The following FAM111A variants were observed in gnomAD, a reference collection of about 807,000 sequenced individuals.
FAM111A encodes serine protease FAM111A.
FAM111A carries 8 observed loss-of-function variants against 3.3 expected under a neutral mutation model. The ratio of observed to expected loss-of-function variants is 2.39; its 90% CI spans 1.40 to 4.32. FAM111A has a LOEUF of 4.32. Ranked by LOEUF, FAM111A falls within the 30% of genes most tolerant of loss-of-function variation. The probability of loss-of-function intolerance (pLI) is 0.00; values close to 1 mark genes in which losing one functional copy is unlikely to be tolerated. For synonymous variants in FAM111A, 227 were observed against 243.1 expected, an observed-to-expected ratio of 0.93 and a Z score of 0.62; for missense variants, 683 against 727.6, an observed-to-expected ratio of 0.94 and a Z score of 0.71.
chr11:59,152,300 T>C lies in FAM111A; in HGVS notation c.632T>C (p.Leu211Pro). Residue 211 changes from leucine (L) to proline (P), a missense_variant, in exon 6 of 6, where the codon CTC becomes CCC. Coordinates refer to ENST00000675163, the MANE Select transcript of FAM111A (RefSeq NM_001312909.2). Reference protein sequence around the residue: ...CGKLHKKGRKLCVYAFKGETI... With the variant: ...CGKLHKKGRKPCVYAFKGETI... ...AAGCTTCACAAAAAGGGGCGCAAAC[T>C]CTGTGTTTATGCTTTCAAAGGAGAA... is the stretch of plus-strand genomic sequence containing the variant. 1 of 1,614,206 alleles carries C rather than the reference T, an allele frequency of 6.2e-7. No individual in the cohort carries two copies. Among genetic ancestry groups the C allele is most frequent in the Non-Finnish European group, 8.5e-7 (1 of 1,180,036 alleles).
intron 5 of FAM111A, among the ~76,000 whole-genome samples, chr11:59,150,609 A>T (rs1315908290): frequency 6.6e-6 from 1 of 151,906 alleles, no homozygotes; most frequent in Non-Finnish European, 1.5e-5. Flanking sequence ...TCCTCTCCCC[A>T]CCTCCACCCC....
In FAM111A at chr11:59,153,869, A is replaced by G. The variant is rs983318908; in HGVS notation, c.*365A>G. 1 of 142,444 alleles carries G rather than the reference A, an allele frequency of 7.0e-6. No individual in the cohort carries two copies. The highest frequency in any genetic ancestry group is 1.5e-5 in the Non-Finnish European group (1 of 65,178). The allele number at this position is 142,444 out of a possible 1,614,324, so 8.8% of individuals were successfully genotyped here. ...GGCAAACGCCACCACACCCAGCTAA[A>G]TTTTTTTTTTTTTTTTTGTATTTTT... On this transcript the variant is annotated 3_prime_UTR_variant, in exon 6 of 6. Transcript: ENST00000675163.
chr11:59,153,466 C>T lies in FAM111A; in HGVS notation c.1798C>T (p.Gln600Ter). ...ATGGTATGAAGAAGTATTTGTAAATCAGCAGGATGTAGAAATGATGAGTGA... is the reference window on the plus strand; with the variant it reads ...ATGGTATGAAGAAGTATTTGTAAATTAGCAGGATGTAGAAATGATGAGTGA... ...KPWYEEVFVNQQDVEMMSDED... is the reference protein window; with the variant it reads ...KPWYEEVFVN Residue 600 changes from glutamine to a stop codon, truncating the protein, a stop_gained, in exon 6 of 6, where the codon CAG (glutamine) becomes TAG (stop). Transcript: ENST00000675163. LOFTEE classifies it high-confidence loss of function. 1 of 1,612,014 alleles carries T rather than the reference C, an allele frequency of 6.2e-7. No individual in the cohort carries two copies. The highest frequency in any genetic ancestry group is 8.5e-7 in the Non-Finnish European group (1 of 1,179,110).
At chr11:59,147,853 G>T (rs1861131616) in intron 4 of FAM111A, among the ~76,000 whole-genome samples, 1 of 151,970 alleles carries the variant, frequency 6.6e-6, no homozygotes, top group African/African-American at 2.4e-5. Flanking sequence ...AATCTCCCTG[G>T]GTGTTCAAGC....
rs1161704548 is a variant in FAM111A, at chr11:59,143,565, GT to G, written c.-235del. ...ACCCAATGTTAACTTTATGAAAATG[GT>G]TCCTAAGGAGATTCACATCTCTGTG... On this transcript the variant is annotated 5_prime_UTR_variant, in exon 3 of 6. It removes the in-frame stop codon of an upstream open reading frame in the 5' UTR. Coordinates refer to ENST00000675163, the MANE Select transcript of FAM111A (RefSeq NM_001312909.2). 2 of 152,198 alleles carry G rather than the reference GT, an allele frequency of 1.3e-5. No individual in the cohort carries two copies. The highest frequency in any genetic ancestry group is 4.8e-5 in the African/African-American group (2 of 41,436). 9.4% of individuals were successfully genotyped at this position (152,198 alleles called of 1,614,324 possible). A position where few individuals can be genotyped will look rare whatever the true frequency, so the allele number is the denominator to read the frequency against.
rs745635458 is a variant in FAM111A at position 59,152,427 on chromosome 11, C to T, written c.759C>T (p.Thr253=). Residue 253 remains threonine (T), a synonymous_variant, in exon 6 of 6, where the codon ACC becomes ACT. Transcript: ENST00000675163. ...IENNDTILES[T]QPVDELEGRY... is the part of the protein sequence containing the mutation. ...ACAATGACACCATTTTAGAAAGCAC[C>T]CAGCCAGTTGATGAATTAGAAGGCA... 1 of 1,613,920 alleles carries T rather than the reference C, an allele frequency of 6.2e-7. No individual in the cohort carries two copies. The highest frequency in any genetic ancestry group is 1.3e-5 in the African/African-American group (1 of 74,862).
At position 59,153,419 on chromosome 11, in the gene FAM111A, A is replaced by G. The variant is rs745500132; in HGVS notation, c.1751A>G (p.Asp584Gly). Residue 584 changes from aspartate (D) to glycine (G), a missense_variant, in exon 6 of 6, where the codon GAT becomes GGT. Asp to Gly is a moderately conservative substitution (Grantham distance 94). Around this residue, in one of 3 missense-constraint regions of FAM111A, gnomAD observed 122 missense variants for 110.9 expected, o/e 1.10. Coordinates refer to ENST00000675163, the MANE Select transcript of FAM111A (RefSeq NM_001312909.2). ...FGSTMESILL[D>G]IKQRHKPWYE... The stretch of plus-strand genomic sequence containing the variant: ...TCTACCATGGAATCCATCCTCCTTG[A>G]TATTAAGCAAAGACATAAACCATGG... 1 of 1,614,066 alleles carries G rather than the reference A, an allele frequency of 6.2e-7. No homozygotes were observed. The highest frequency in any genetic ancestry group is 8.5e-7 in the Non-Finnish European group (1 of 1,179,962).
rs752840564 is a variant in FAM111A, at chr11:59,153,384, T to A, written c.1716T>A (p.Ile572=). ...YTYQNETRSI[I]EFGSTMESIL... Reference sequence around the variant, plus strand: ...ACCAAAATGAGACTCGTAGTATCATTGAGTTTGGCTCTACCATGGAATCCA... The same window carrying A: ...ACCAAAATGAGACTCGTAGTATCATAGAGTTTGGCTCTACCATGGAATCCA... Residue 572 remains isoleucine, a synonymous_variant, in exon 6 of 6, where the codon ATT becomes ATA. Transcript: ENST00000675163. 1 of 1,613,950 alleles carries A rather than the reference T, an allele frequency of 6.2e-7. No individual in the cohort carries two copies. The highest frequency in any genetic ancestry group is 1.3e-5 in the African/African-American group (1 of 74,906).
intron 5 of FAM111A, among the ~76,000 whole-genome samples, chr11:59,149,523 T>A (rs548142920): frequency 6.6e-6 from 1 of 152,184 alleles, no homozygotes; most frequent in Non-Finnish European, 1.5e-5. Context: ...TGAAAAACTA[T>A]TGTAATATTT....
chr11:59,146,154 G>A (rs1168582693), intron 4 of FAM111A, among the ~76,000 whole-genome samples: 2 of 151,690 alleles, frequency 1.3e-5, no homozygotes, highest in East Asian at 1.9e-4. Flanking sequence ...GTGTGATCTC[G>A]GATCACTGCA....
At position 59,153,019 on chromosome 11, in the gene FAM111A, C is replaced by T. The variant is rs116918730; in HGVS notation, c.1351C>T (p.Gln451Ter). ...CCTGAAACTGAAGGAAAATGGACAACAAGTACCTATGGAACTATATAATGG... is the reference window on the plus strand; with the variant it reads ...CCTGAAACTGAAGGAAAATGGACAATAAGTACCTATGGAACTATATAATGG... ...AVLKLKENGQQVPMELYNGIT... is the reference protein window; with the variant it reads ...AVLKLKENGQ The change falls in exon 6 of 6, where the codon CAA becomes TAA. Residue 451 changes from glutamine to a stop codon, truncating the protein, a stop_gained. Coordinates refer to ENST00000675163, the MANE Select transcript of FAM111A (RefSeq NM_001312909.2). LOFTEE classifies it low-confidence loss of function (END_TRUNC). The T allele has an allele frequency of 6.2e-7, 1 of 1,613,948 alleles. No homozygotes were observed. The highest frequency in any genetic ancestry group is 1.3e-5 in the African/African-American group (1 of 74,894).
At chr11:59,147,586 T>G (rs1861093152) in intron 4 of FAM111A, among the ~76,000 whole-genome samples, 1 of 152,330 alleles carries the variant, frequency 6.6e-6, no homozygotes, top group East Asian at 1.9e-4. Context: ...TTTTTGCATA[T>G]TATCTCACTG....
At chr11:59,146,485 A>G (rs11229843) in intron 4 of FAM111A, among the ~76,000 whole-genome samples, 7,172 of 152,330 alleles carry the variant, frequency 0.047, 454 homozygotes, top group East Asian at 0.15. Context: ...TCATGCAGCT[A>G]GTAAGTGGCT....
intron 5 of FAM111A, 34 bp downstream of exon 5, chr11:59,148,987 C>A: frequency 6.8e-7 from 1 of 1,469,298 alleles, no homozygotes; most frequent in Non-Finnish European, 9.5e-7. Flanking sequence ...GTAATCTAGT[C>A]ATCCCTTGGT....
At chr11:59,147,721 AC>A (rs1253984057) in intron 4 of FAM111A, among the ~76,000 whole-genome samples, 1 of 152,208 alleles carries the variant, frequency 6.6e-6, no homozygotes, top group Non-Finnish European at 1.5e-5. Context: ...TGAACAATTA[AC>A]TATGTGATAG....
rs1409031104 is a variant in FAM111A at position 59,148,868 on chromosome 11, C to T, written c.-5C>T. On this transcript the variant is annotated 5_prime_UTR_variant, in exon 5 of 6. Transcript: ENST00000675163. ...GCTGAACCATCCGTTCATCTTCAAG[C>T]CATCATGAGCTGTAAGAAGCAGAGG... The T allele has an allele frequency of 6.2e-7, 1 of 1,610,092 alleles. No homozygotes were observed. The highest frequency in any genetic ancestry group is 2.2e-5 in the East Asian group (1 of 44,844).
rs1216701419 is a variant in FAM111A at position 59,149,608 on chromosome 11, A to T, written c.81+655A>T. ...AATAAACCAAAATTAATACCATTTC[A>T]TAGCATGAAAACATATACCATTCCA... On this transcript the variant is annotated intron_variant, in intron 5 of 5. Transcript: ENST00000675163. 2.0e-5 allele frequency among the ~76,000 whole-genome samples: 3 copies of T among 152,358 alleles called. No homozygotes were observed. In the East Asian group the frequency reaches 5.8e-4, roughly 29 times the overall value.
Position 59,152,548 on chromosome 11 carries a change from G to A in FAM111A, c.880G>A (p.Glu294Lys), listed in dbSNP as rs780855122. 6.2e-7 allele frequency: 1 copy of A among 1,614,068 alleles called. No homozygotes were observed. Among genetic ancestry groups the A allele is most frequent in the Non-Finnish European group, 8.5e-7 (1 of 1,180,030 alleles). The change falls in exon 6 of 6, where the codon GAA (glutamate) becomes AAA (lysine). Residue 294 changes from glutamate to lysine, a missense_variant. Coordinates refer to ENST00000675163, the MANE Select transcript of FAM111A (RefSeq NM_001312909.2). ...GAAAAGAAACACCTGTGTGTTGAGA[G>A]AACAAATCGTGGCTCAGTACCCCAG... ...SEKRNTCVLREQIVAQYPSLK... is the reference protein window; with the variant it reads ...SEKRNTCVLRKQIVAQYPSLK...
At chr11:59,149,805 A>T (rs543205244) in intron 5 of FAM111A, among the ~76,000 whole-genome samples, 1 of 152,360 alleles carries the variant, frequency 6.6e-6, no homozygotes, top group South Asian at 2.1e-4. Context: ...TTGTTGCTTA[A>T]GGCAGGAATG....
Sources: gnomAD v4.1 joint callset for allele counts (sites outside exome capture counted in the v4.1 genomes callset) on GRCh38, gnomAD v4.1.1 for gene constraint, gnomAD v4.1.1 regional missense constraint, MANE v1.5 for transcripts, NCBI Gene and HGNC (gene_info 2026-07-23, HGNC 2026-07-21) for gene names.